Variants in ERCC5 observed in about 807,000 individuals in gnomAD.
ERCC5 encodes DNA excision repair protein ERCC-5.
In ERCC5, 68 loss-of-function variants were observed where a neutral mutation model predicts 105.6. The ratio of observed to expected loss-of-function variants is 0.64; its 90% CI spans 0.53 to 0.79. The LOEUF (loss-of-function observed/expected upper bound fraction) is 0.79, where lower values mean the gene tolerates loss of function less well. Among genes scored for constraint, ERCC5 ranks in the 30% least tolerant of loss-of-function variants. The pLI is 0.00. For synonymous variants in ERCC5, 546 were observed against 526.2 expected (o/e 1.04, Z -0.51); for missense variants, 1,373 against 1,426.7 (o/e 0.96, Z 0.61).
rs769375367 is a variant in ERCC5 at position 102,873,229 on chromosome 13, A to G, written c.2880-30A>G. Reference sequence around the variant, plus strand: ...TTTGTCACTTGTTTAAATATCTTTCAAAATATTTATAAGTCTTAACTGCAT... The same window carrying G: ...TTTGTCACTTGTTTAAATATCTTTCGAAATATTTATAAGTCTTAACTGCAT... On this transcript the variant is annotated intron_variant, in intron 13 of 14. Transcript: ENST00000652225. 2.5e-6 allele frequency: 4 copies of G among 1,613,868 alleles called. No individual in the cohort carries two copies. The South Asian group carries it at 4.4e-5, about 18-fold the overall frequency.
intron 12 of ERCC5, among the ~76,000 whole-genome samples, chr13:102,871,943 G>T (rs1453025534): frequency 1.3e-5 from 2 of 152,208 alleles, no homozygotes; most frequent in African/African-American, 4.8e-5. Flanking sequence ...TGAGGGTAAC[G>T]ATAGGGCATG....
rs1882288590 is a variant in ERCC5, at chr13:102,853,750, C to T, written c.265-7C>T. On this transcript the variant is annotated splice_region_variant and splice_polypyrimidine_tract_variant and intron_variant, in intron 2 of 14. Transcript: ENST00000652225. Reference sequence around the variant, plus strand: ...GAAGTGAGATCTTACATCCTTTCTTCTCATAGGTGAAGAGAAGGCAGAGAA... The same window carrying T: ...GAAGTGAGATCTTACATCCTTTCTTTTCATAGGTGAAGAGAAGGCAGAGAA... 6.2e-7 allele frequency: 1 copy of T among 1,612,362 alleles called. No individual in the cohort carries two copies. The highest frequency in any genetic ancestry group is 1.7e-5 in the Admixed American group (1 of 59,980).
intron 12 of ERCC5, among the ~76,000 whole-genome samples, chr13:102,871,971 G>A (rs1883048307): frequency 6.6e-6 from 1 of 152,130 alleles, no homozygotes; most frequent in African/African-American, 2.4e-5. Flanking sequence ...TGATGATTGG[G>A]CATGTGAAAT....
At chr13:102,858,819 A>G (rs569526929) in intron 6 of ERCC5, 7 of 443,482 alleles carry the variant, frequency 1.6e-5, no homozygotes, top group African/African-American at 1.2e-4. Context: ...CATAAAAGTT[A>G]TTGTAACCTA....
chr13:102,858,132 C>T, intron 5 of ERCC5, 143 bp from the exon 6 acceptor site: 1 of 1,188,514 alleles, frequency 8.4e-7, no homozygotes, highest in Non-Finnish European at 1.2e-6. Flanking sequence ...TTGCCTGTCA[C>T]AGATTATATG....
chr13:102,860,927 G>A (rs1033954121), intron 6 of ERCC5, among the ~76,000 whole-genome samples: 1 of 151,734 alleles, frequency 6.6e-6, no homozygotes, highest in African/African-American at 2.4e-5. Context: ...TGACTGCTAT[G>A]CATTACATGC....
intron 1 of ERCC5, 89 bp downstream of exon 1, chr13:102,846,443 C>T: frequency 1.7e-6 from 2 of 1,154,936 alleles, no homozygotes; most frequent in Non-Finnish European, 2.6e-6. Flanking sequence ...GTGGCATCTG[C>T]AGGATGATGG....
In ERCC5 at chr13:102,866,802, G is replaced by T; in HGVS notation, c.2490G>T (p.Lys830Asn). ...HVYRNFFNKN[K>N]FVEYYQYVDF... ...ATAGAAACTTTTTTAATAAAAACAA[G>T]TTTGTAGAATATTATCAATATGTGG... Residue 830 changes from lysine (K) to asparagine (N), a missense_variant, in exon 11 of 15, where the codon AAG (lysine) becomes AAT (asparagine). This residue lies in a region of ERCC5 where 1,004 missense variants were observed against 1,059.7 expected (regional missense o/e 0.95). Coordinates refer to ENST00000652225, the MANE Select transcript of ERCC5 (RefSeq NM_000123.4). 2.1e-5 allele frequency: 34 copies of T among 1,613,864 alleles called. No homozygotes were observed. Among genetic ancestry groups the T allele is most frequent in the Non-Finnish European group, 2.9e-5 (34 of 1,179,828 alleles).
intron 12 of ERCC5, among the ~76,000 whole-genome samples, chr13:102,868,621 C>T (rs4150345): frequency 0.023 from 3,568 of 152,356 alleles, 151 homozygotes; most frequent in African/African-American, 0.081. Context: ...CAAGGACTCC[C>T]CCCATATACT....
intron 5 of ERCC5, 78 bp downstream of exon 5, chr13:102,856,190 A>G (rs1882411734): frequency 2.1e-6 from 3 of 1,452,804 alleles, no homozygotes; most frequent in East Asian, 2.3e-5. Context: ...TTAATGAGGT[A>G]TATCAAACTG....
At chr13:102,863,177 T>C (rs1375254212) in intron 8 of ERCC5, 74 bp downstream of exon 8, 1 of 1,518,526 alleles carries the variant, frequency 6.6e-7, no homozygotes, top group Non-Finnish European at 8.9e-7. Flanking sequence ...GATCGGTTAG[T>C]GTAGTCCCGT....
chr13:102,848,695 T>C (rs1882075131), intron 1 of ERCC5, among the ~76,000 whole-genome samples: 1 of 152,212 alleles, frequency 6.6e-6, no homozygotes, highest in Non-Finnish European at 1.5e-5. Flanking sequence ...TAATTTTGCG[T>C]ATATAAACTT....
intron 6 of ERCC5, 139 bp from the exon 7 acceptor site, chr13:102,861,368 C>T (rs1882611697): frequency 5.7e-6 from 5 of 878,014 alleles, no homozygotes; most frequent in South Asian, 1.7e-5. Flanking sequence ...TCTTGTTATT[C>T]ACCTTTTATA....
chr13:102,859,928 T>C (rs4150306), intron 6 of ERCC5, among the ~76,000 whole-genome samples: 64,713 of 152,074 alleles, frequency 0.43, 15,564 homozygotes, highest in Non-Finnish European at 0.55. Flanking sequence ...AAATAAACAA[T>C]TCATAAGTTT....
chr13:102,868,231 T>C lies in ERCC5; in HGVS notation c.2652T>C (p.His884=). 6.2e-7 allele frequency: 1 copy of C among 1,614,238 alleles called. No individual in the cohort carries two copies. Among genetic ancestry groups the C allele is most frequent in the Non-Finnish European group, 8.5e-7 (1 of 1,180,034 alleles). Reference sequence around the variant, plus strand: ...AAATTCTCAATGAATTCCCTGGGCATGGCCTGGAACCTCTCCTAAAATTCT... The same window carrying C: ...AAATTCTCAATGAATTCCCTGGGCACGGCCTGGAACCTCTCCTAAAATTCT... ...AMEILNEFPG[H]GLEPLLKFSE... Residue 884 remains histidine (H), a synonymous_variant, in exon 12 of 15, where the codon CAT becomes CAC. Coordinates refer to ENST00000652225, the MANE Select transcript of ERCC5 (RefSeq NM_000123.4).
In ERCC5 at chr13:102,861,278, C is replaced by T. The variant is rs4150311; in HGVS notation, c.673-229C>T. On this transcript the variant is annotated intron_variant, in intron 6 of 14. Transcript: ENST00000652225. ...TGCTAGGATTACAGGCATGAGCCAC[C>T]GCACCTGGCCATAGTATTCATGATT... Among the ~76,000 whole-genome samples, 11 of 152,024 alleles carry T rather than the reference C, an allele frequency of 7.2e-5. No individual in the cohort carries two copies. The East Asian group carries it at 9.6e-4, about 13-fold the overall frequency.
chr13:102,875,850 G>A lies in ERCC5; in HGVS notation c.3508G>A (p.Gly1170Arg), dbSNP rs200699194. 6.2e-7 allele frequency: 1 copy of A among 1,612,560 alleles called. No homozygotes were observed. Among genetic ancestry groups the A allele is most frequent in the Non-Finnish European group, 8.5e-7 (1 of 1,179,994 alleles). The change falls in exon 15 of 15, where the codon GGG (glycine) becomes AGG (arginine). Residue 1170 changes from glycine to arginine, a missense_variant. This residue lies in a region of ERCC5 where 367 missense variants were observed against 350.2 expected (regional missense o/e 1.05). Coordinates refer to ENST00000652225, the MANE Select transcript of ERCC5 (RefSeq NM_000123.4). The stretch of plus-strand genomic sequence containing the variant: ...CCTCGTGACCGCCAGATCTGTGTTT[G>A]GGAAGAAAAGAAGGAAACTAAGACG... ...MVLVTARSVFGKKRRKLRRAR... is the reference protein window; with the variant it reads ...MVLVTARSVFRKKRRKLRRAR...
chr13:102,846,091 T>A lies in ERCC5; in HGVS notation c.-176T>A. On this transcript the variant is annotated 5_prime_UTR_variant, in exon 1 of 15. An upstream start codon of the reference 5' UTR is lost. Coordinates refer to ENST00000652225, the MANE Select transcript of ERCC5 (RefSeq NM_000123.4). ...TGCAGCCAGAGTCTCTCCGCTTTAA[T>A]GCGCTCCCATTAGTGCCGTCCCCCA... 2 of 603,770 alleles carry A rather than the reference T, an allele frequency of 3.3e-6. No homozygotes were observed. The highest frequency in any genetic ancestry group is 4.0e-5 in the South Asian group (2 of 50,410). The allele number at this position is 603,770 out of a possible 1,614,324, so 37.4% of individuals were successfully genotyped here.
chr13:102,873,514 T>C (rs557744474), intron 14 of ERCC5, among the ~76,000 whole-genome samples, 171 bp downstream of exon 14: 31 of 152,196 alleles, frequency 2.0e-4, no homozygotes, highest in Non-Finnish European at 3.4e-4. Context: ...AGACTTTGGC[T>C]TCATTTTCTA....
Sources: gnomAD v4.1 joint callset for allele counts (sites outside exome capture counted in the v4.1 genomes callset) on GRCh38, gnomAD v4.1.1 for gene constraint, gnomAD v4.1.1 regional missense constraint, MANE v1.5 for transcripts, NCBI Gene and HGNC (gene_info 2026-07-23, HGNC 2026-07-21) for gene names.